The following NYNRIN variants were observed in gnomAD, a reference collection of about 807,000 sequenced individuals.
The protein encoded by NYNRIN is NYN domain and retroviral integrase containing, also known as protein NYNRIN.
In NYNRIN, 86 loss-of-function variants were observed where a neutral mutation model predicts 146.6. The ratio of observed to expected loss-of-function variants is 0.59; its 90% CI spans 0.49 to 0.70. NYNRIN has a LOEUF of 0.70. Ranked by LOEUF, NYNRIN falls within the 30% of genes least tolerant of loss-of-function variation. The probability of loss-of-function intolerance (pLI) is 0.00; values close to 1 mark genes in which losing one functional copy is unlikely to be tolerated. For synonymous variants in NYNRIN, 1,027 were observed against 1,001.3 expected (o/e 1.03, Z -0.48); for missense variants, 2,191 against 2,377.7 (o/e 0.92, Z 1.63).
rs749370580 is a variant in NYNRIN, at chr14:24,416,061, G to T, written c.4312G>T (p.Ala1438Ser). The T allele has an allele frequency of 5.6e-6, 9 of 1,613,972 alleles. No individual in the cohort carries two copies. The South Asian group carries it at 9.9e-5, about 18-fold the overall frequency. ...YRTSYRGSLF[A>S]VTVDTLAKQG... ...AACCTCCTACCGGGGCTCTCTGTTT[G>T]CTGTGACAGTGGACACCCTGGCCAA... is the stretch of plus-strand genomic sequence containing the variant. Residue 1438 changes from alanine (A) to serine (S), a missense_variant, in exon 9 of 9, where the codon GCT (alanine) becomes TCT (serine). Physicochemically the swap from Ala to Ser is moderately conservative, Grantham distance 99. Transcript: ENST00000382554.
rs769696897 is a variant in NYNRIN, at chr14:24,399,392, C to G, written c.146C>G (p.Pro49Arg). 13 of 1,613,596 alleles carry G rather than the reference C, an allele frequency of 8.1e-6. No homozygotes were observed. Among genetic ancestry groups the G allele is most frequent in the Admixed American group, 3.3e-5 (2 of 59,974 alleles). Reference sequence around the variant, plus strand: ...GCCTTCCAGAGCCGCCCGGACACCCCCTACTTCTGGCTACAGCTCGAGGGG... The same window carrying G: ...GCCTTCCAGAGCCGCCCGGACACCCGCTACTTCTGGCTACAGCTCGAGGGG... ...LNAFQSRPDT[P>R]YFWLQLEGPR... The change falls in exon 2 of 9, where the codon CCC becomes CGC. Residue 49 changes from proline (P) to arginine (R), a missense_variant. Coordinates refer to ENST00000382554, the MANE Select transcript of NYNRIN (RefSeq NM_025081.3).
At chr14:24,405,989 C>T (rs1369063783) in intron 2 of NYNRIN, among the ~76,000 whole-genome samples, 2 of 151,802 alleles carry the variant, frequency 1.3e-5, no homozygotes, top group African/African-American at 2.4e-5. Flanking sequence ...CGGCAAAACC[C>T]CATCTCTACT....
chr14:24,415,773 T>C lies in NYNRIN; in HGVS notation c.4024T>C (p.Ser1342Pro). 1 of 1,613,972 alleles carries C rather than the reference T, an allele frequency of 6.2e-7. No individual in the cohort carries two copies. Among genetic ancestry groups the C allele is most frequent in the Non-Finnish European group, 8.5e-7 (1 of 1,179,878 alleles). The change falls in exon 9 of 9, where the codon TCC becomes CCC. Residue 1342 changes from serine (S) to proline (P), a missense_variant. This residue lies in a region of NYNRIN where 1,291 missense variants were observed against 1,417.0 expected (regional missense o/e 0.91). Transcript: ENST00000382554. ...GCCCACCAGCCCCCCTGTCTCCCTTTCCTTCTCCTGCTCCCCTTACACGCC... is the reference window on the plus strand; with the variant it reads ...GCCCACCAGCCCCCCTGTCTCCCTTCCCTTCTCCTGCTCCCCTTACACGCC... Reference protein sequence around the residue: ...LSPTSPPVSLSFSCSPYTPTY... With the variant: ...LSPTSPPVSLPFSCSPYTPTY...
chr14:24,416,459 G>T lies in NYNRIN; in HGVS notation c.4710G>T (p.Gly1570=), dbSNP rs768093828. 39 of 1,613,226 alleles carry T rather than the reference G, an allele frequency of 2.4e-5. No individual in the cohort carries two copies. The highest frequency in any genetic ancestry group is 3.2e-5 in the Non-Finnish European group (38 of 1,179,562). The change falls in exon 9 of 9, where the codon GGG becomes GGT. Residue 1570 remains glycine (G), a synonymous_variant. Coordinates refer to ENST00000382554, the MANE Select transcript of NYNRIN (RefSeq NM_025081.3). ...CCTACAAGAAGTTGCGTTTGCTGGG[G>T]TGGTGGCCTGGGATGCAGGAGCATG... ...EETYKKLRLL[G]WWPGMQEHVK...
intron 2 of NYNRIN, among the ~76,000 whole-genome samples, chr14:24,406,673 G>A (rs1003000287): frequency 6.6e-5 from 10 of 152,256 alleles, no homozygotes; most frequent in African/African-American, 2.2e-4. Context: ...CTTCAGGATC[G>A]CTGCTGGAGA....
At position 24,411,594 on chromosome 14, in the gene NYNRIN, C is replaced by A. The variant is rs867793840; in HGVS notation, c.2642+144C>A. On this transcript the variant is annotated intron_variant, in intron 6 of 8. Coordinates refer to ENST00000382554, the MANE Select transcript of NYNRIN (RefSeq NM_025081.3). This position sits in a 1 kb window ranked among gnomAD's most constrained non-coding sequence, Gnocchi z 4.3. ...GTTGTGCAGAGGGTGGGGTGGAGCA[C>A]GGGCATCTGTCAGCAGAGGGATGGG... 5.6e-6 allele frequency: 4 copies of A among 720,466 alleles called. No individual in the cohort carries two copies. The highest frequency in any genetic ancestry group is 9.6e-6 in the Non-Finnish European group (4 of 418,462). The allele number at this position is 720,466 out of a possible 1,614,324, so 44.6% of individuals were successfully genotyped here.
In NYNRIN at chr14:24,408,769, C is replaced by T; in HGVS notation, c.975C>T (p.Val325=). The T allele has an allele frequency of 6.2e-7, 1 of 1,613,944 alleles. No individual in the cohort carries two copies. The highest frequency in any genetic ancestry group is 8.5e-7 in the Non-Finnish European group (1 of 1,179,850). ...AAGCCTTGTTGAAGCAAAGGCAGGT[C>T]CAGAAGATAGAAGATAAACTCCTCT... ...HTQALLKQRQ[V]QKIEDKLLFQ... Residue 325 remains valine (V), a synonymous_variant, in exon 4 of 9, where the codon GTC becomes GTT. Transcript: ENST00000382554.
rs368022553 is a variant in NYNRIN, at chr14:24,409,553, G to A, written c.1759G>A (p.Glu587Lys). ...AGTGCACACAGAGCCTGCAGCTCCCGAAGTGCCTTTGGCTCCAACAAAGCC... is the reference window on the plus strand; with the variant it reads ...AGTGCACACAGAGCCTGCAGCTCCCAAAGTGCCTTTGGCTCCAACAAAGCC... Reference protein sequence around the residue: ...LAVHTEPAAPEVPLAPTKPTA... With the variant: ...LAVHTEPAAPKVPLAPTKPTA... Residue 587 changes from glutamate (E) to lysine (K), a missense_variant, in exon 4 of 9, where the codon GAA (glutamate) becomes AAA (lysine). Physicochemically the swap from Glu to Lys is moderately conservative, Grantham distance 56. Coordinates refer to ENST00000382554, the MANE Select transcript of NYNRIN (RefSeq NM_025081.3). 17 of 1,611,530 alleles carry A rather than the reference G, an allele frequency of 1.1e-5. No homozygotes were observed. In the African/African-American group the frequency reaches 1.1e-4, roughly 10 times the overall value.
rs750485412 is a variant in NYNRIN, at chr14:24,408,966, C to G, written c.1172C>G (p.Pro391Arg). Residue 391 changes from proline (P) to arginine (R), a missense_variant, in exon 4 of 9, where the codon CCC becomes CGC. Pro to Arg is a moderately radical substitution (Grantham distance 103, BLOSUM62 -2). Coordinates refer to ENST00000382554, the MANE Select transcript of NYNRIN (RefSeq NM_025081.3). ...WLLSQACFNF[P>R]FWQRPLGPIQ... Reference sequence around the variant, plus strand: ...CTGTCCCAGGCGTGCTTCAATTTCCCCTTCTGGCAGAGACCTCTGGGCCCC... The same window carrying G: ...CTGTCCCAGGCGTGCTTCAATTTCCGCTTCTGGCAGAGACCTCTGGGCCCC... 1.2e-6 allele frequency: 2 copies of G among 1,613,814 alleles called. No individual in the cohort carries two copies. The highest frequency in any genetic ancestry group is 1.7e-5 in the Admixed American group (1 of 60,010).
intron 2 of NYNRIN, among the ~76,000 whole-genome samples, chr14:24,400,413 A>G (rs1474400921): frequency 6.6e-6 from 1 of 151,984 alleles, no homozygotes; most frequent in Admixed American, 6.6e-5. Flanking sequence ...GCCCCAGACC[A>G]CCTTCCCCTT....
chr14:24,402,923 C>A (rs2139341935), intron 2 of NYNRIN, among the ~76,000 whole-genome samples: 1 of 152,378 alleles, frequency 6.6e-6, no homozygotes, highest in Admixed American at 6.5e-5. Context: ...TAACCATCCC[C>A]ACTGACAGTA....
intron 1 of NYNRIN, 60 bp from the exon 2 acceptor site, chr14:24,399,170 G>A: frequency 2.9e-6 from 4 of 1,400,330 alleles, no homozygotes; most frequent in South Asian, 2.5e-5. Flanking sequence ...GCCTGGGGCT[G>A]GGGGCTGGGG....
chr14:24,403,407 G>A (rs1015008409), intron 2 of NYNRIN, among the ~76,000 whole-genome samples: 7 of 152,202 alleles, frequency 4.6e-5, no homozygotes, highest in African/African-American at 1.4e-4. Context: ...TTTCCAGGCT[G>A]ACACAGCTGT....
At chr14:24,399,193 C>G (rs1207505744) in intron 1 of NYNRIN, 37 bp from the exon 2 acceptor site, 6 of 1,563,364 alleles carry the variant, frequency 3.8e-6, no homozygotes, top group East Asian at 2.3e-5. Context: ...CCTGCCGCCC[C>G]GAGACCCGGG....
Position 24,411,705 on chromosome 14 carries a change from C to G in NYNRIN, c.2642+255C>G, listed in dbSNP as rs948721552. ...GGACTCTGGAGTCCGTCTGCCTTAG[C>G]TAACAGGCATTCTTCCCCCATGACC... On this transcript the variant is annotated intron_variant, in intron 6 of 8. Transcript: ENST00000382554. This position sits in a 1 kb window ranked among gnomAD's most constrained non-coding sequence, Gnocchi z 4.3. Among the ~76,000 whole-genome samples the G allele has an allele frequency of 6.6e-6, 1 of 152,192 alleles. No individual in the cohort carries two copies. Among genetic ancestry groups the G allele is most frequent in the Non-Finnish European group, 1.5e-5 (1 of 68,030 alleles).
At position 24,408,651 on chromosome 14, in the gene NYNRIN, G is replaced by C; in HGVS notation, c.858-1G>C. 6.3e-7 allele frequency: 1 copy of C among 1,593,966 alleles called. No homozygotes were observed. The highest frequency in any genetic ancestry group is 8.5e-7 in the Non-Finnish European group (1 of 1,170,884). On this transcript the variant is annotated splice_acceptor_variant, in intron 3 of 8. Coordinates refer to ENST00000382554, the MANE Select transcript of NYNRIN (RefSeq NM_025081.3). LOFTEE classifies it high-confidence loss of function. The stretch of plus-strand genomic sequence containing the variant: ...TTTCAATGAACTTGGGCTTCCTCCA[G>C]GGTCGGTTCCAACAACCAAGATGGT...
chr14:24,417,422 G>C lies in NYNRIN; in HGVS notation c.5673G>C (p.Leu1891=), dbSNP rs2042955778. The C allele has an allele frequency of 6.6e-7, 1 of 1,515,452 alleles. No homozygotes were observed. Among genetic ancestry groups the C allele is most frequent in the Non-Finnish European group, 8.9e-7 (1 of 1,129,644 alleles). The allele number at this position is 1,515,452 out of a possible 1,614,324, so 93.9% of individuals were successfully genotyped here. A position where few individuals can be genotyped will look rare whatever the true frequency, so the allele number is the denominator to read the frequency against. ...CCTTTGCCAAGAGTGGCACCCCGCT[G>C]TCCTTCAAGGTCTTGGAGCAGTGAG... ...MKAFAKSGTP[L]SFKVLEQ is the part of the protein sequence containing the mutation. The change falls in exon 9 of 9, where the codon CTG becomes CTC. Residue 1891 remains leucine, a synonymous_variant. Coordinates refer to ENST00000382554, the MANE Select transcript of NYNRIN (RefSeq NM_025081.3).
rs2042934947 is a variant in NYNRIN at position 24,414,988 on chromosome 14, C to T, written c.3239C>T (p.Ala1080Val). The change falls in exon 9 of 9, where the codon GCC becomes GTC. Residue 1080 changes from alanine (A) to valine (V), a missense_variant. Around this residue, in one of 3 missense-constraint regions of NYNRIN, gnomAD observed 1,291 missense variants for 1,417.0 expected, o/e 0.91. Coordinates refer to ENST00000382554, the MANE Select transcript of NYNRIN (RefSeq NM_025081.3). ...DGKAPCQQVL[A>V]HLAQLTIPSN... Reference sequence around the variant, plus strand: ...AAGGCTCCCTGCCAGCAGGTTCTTGCCCACCTGGCCCAGCTCACCATCCCC... The same window carrying T: ...AAGGCTCCCTGCCAGCAGGTTCTTGTCCACCTGGCCCAGCTCACCATCCCC... 6.3e-7 allele frequency: 1 copy of T among 1,595,766 alleles called. No individual in the cohort carries two copies. The highest frequency in any genetic ancestry group is 2.3e-5 in the East Asian group (1 of 44,402).
chr14:24,399,695 A>C (rs1227473505), intron 2 of NYNRIN, among the ~76,000 whole-genome samples: 2 of 151,624 alleles, frequency 1.3e-5, no homozygotes, highest in Admixed American at 6.6e-5. Flanking sequence ...TCTGTCCCTC[A>C]AGTGCACTGA....
Sources: allele counts gnomAD v4.1 joint callset (sites outside exome capture counted in the v4.1 genomes callset), GRCh38; gene constraint gnomAD v4.1.1; regional missense constraint gnomAD v4.1.1; non-coding constraint Gnocchi (gnomAD v3.1); transcripts MANE v1.5; gene names NCBI Gene and HGNC (gene_info 2026-07-23, HGNC 2026-07-21).